The following FOSL1 variants were observed in gnomAD, a reference collection of about 807,000 sequenced individuals.
The protein encoded by FOSL1 is fos-related antigen 1.
In FOSL1, 14 loss-of-function variants were observed where a neutral mutation model predicts 24.9. The ratio of observed to expected loss-of-function variants is 0.56; its 90% CI spans 0.37 to 0.88. FOSL1 has a LOEUF of 0.88. Among genes scored for constraint, FOSL1 ranks in the 40% least tolerant of loss-of-function variants. FOSL1 has a pLI of 0.00. For missense variants in FOSL1, 318 were observed against 359.8 expected, an observed-to-expected ratio of 0.88 and a Z score of 0.94; for synonymous variants, 133 against 145.1, an observed-to-expected ratio of 0.92 and a Z score of 0.60.
intron 3 of FOSL1, 35 bp downstream of exon 3, chr11:65,893,979 C>T: frequency 7.0e-7 from 1 of 1,434,092 alleles, no homozygotes; most frequent in Non-Finnish European, 9.6e-7. Flanking sequence ...GAGACAGGGT[C>T]CCTCTGAGCT....
At chr11:65,900,088 T>C (rs1354032908) in intron 1 of FOSL1, among the ~76,000 whole-genome samples, 153 bp downstream of exon 1, 5 of 152,078 alleles carry the variant, frequency 3.3e-5, no homozygotes, top group Non-Finnish European at 5.9e-5. Context: ...TGGGGGCAAC[T>C]GGCCCCGGAC....
intron 3 of FOSL1, 83 bp downstream of exon 3, chr11:65,893,931 G>A (rs1860458300): frequency 2.2e-6 from 2 of 891,662 alleles, no homozygotes; most frequent in Non-Finnish European, 3.6e-6. Flanking sequence ...AGGATGGTGA[G>A]GAGGGGGCTA....
intron 2 of FOSL1, among the ~76,000 whole-genome samples, chr11:65,896,096 C>T (rs1308863819): frequency 5.3e-5 from 8 of 152,058 alleles, no homozygotes; most frequent in Non-Finnish European, 1.2e-4. Context: ...GAACTCCTGG[C>T]CTCAAGTGAT....
At chr11:65,897,856 G>C (rs1014520817) in intron 1 of FOSL1, among the ~76,000 whole-genome samples, 4 of 151,412 alleles carry the variant, frequency 2.6e-5, no homozygotes, top group Non-Finnish European at 5.9e-5. Context: ...GCAGGAAAGA[G>C]TCACTGCTCT....
At chr11:65,897,044 G>A (rs772768855) in intron 1 of FOSL1, 38 bp from the exon 2 acceptor site, 29 of 1,526,178 alleles carry the variant, frequency 1.9e-5, no homozygotes, top group South Asian at 5.6e-5. Context: ...GATGAGGTCC[G>A]TGTGGATTGA....
rs1242443564 is a variant in FOSL1, at chr11:65,892,815, G to C, written c.*71C>G. ...TGGATGTGGGATACTGTCCAGGCCA[G>C]CTGGACCGGTGGGGGAAGGGGAGGA... On this transcript the variant is annotated 3_prime_UTR_variant, in exon 4 of 4. Coordinates refer to ENST00000312562, the MANE Select transcript of FOSL1 (RefSeq NM_005438.5). The C allele has an allele frequency of 6.8e-7, 1 of 1,476,992 alleles. No individual in the cohort carries two copies. The highest frequency in any genetic ancestry group is 1.4e-5 in the African/African-American group (1 of 72,692). The allele number at this position is 1,476,992 out of a possible 1,614,324, so 91.5% of individuals were successfully genotyped here.
Position 65,894,092 on chromosome 11 carries a change from T to C in FOSL1, c.327A>G (p.Arg109=). The change falls in exon 3 of 4, where the codon CGA becomes CGG. Residue 109 remains arginine, a synonymous_variant. Coordinates refer to ENST00000312562, the MANE Select transcript of FOSL1 (RefSeq NM_005438.5). ...QISPEEEERR[R]VRRERNKLAA... is the part of the protein sequence containing the mutation. ...CCAGCTTGTTCCGCTCGCGCCTTACTCGGCGGCGCTCCTCTTCCTCCGGGC... is the reference window on the plus strand; with the variant it reads ...CCAGCTTGTTCCGCTCGCGCCTTACCCGGCGGCGCTCCTCTTCCTCCGGGC... The C allele has an allele frequency of 1.2e-6, 2 of 1,609,228 alleles. No individual in the cohort carries two copies. The highest frequency in any genetic ancestry group is 1.7e-6 in the Non-Finnish European group (2 of 1,179,508).
At chr11:65,898,771 C>A (rs1238219543) in intron 1 of FOSL1, among the ~76,000 whole-genome samples, 1 of 152,022 alleles carries the variant, frequency 6.6e-6, no homozygotes, top group African/African-American at 2.4e-5. Flanking sequence ...TCACACCGGG[C>A]AACACAGTGA....
At chr11:65,899,009 C>A (rs1299006941) in intron 1 of FOSL1, among the ~76,000 whole-genome samples, 1 of 149,470 alleles carries the variant, frequency 6.7e-6, no homozygotes, top group Non-Finnish European at 1.5e-5. Flanking sequence ...AAATTAGTGG[C>A]ATAAAGTTAT....
intron 2 of FOSL1, among the ~76,000 whole-genome samples, chr11:65,895,696 C>G (rs1408645137): frequency 6.6e-6 from 1 of 152,190 alleles, no homozygotes; most frequent in East Asian, 1.9e-4. Context: ...GCTTCTGCGG[C>G]TCATACCACA....
chr11:65,893,197 G>A lies in FOSL1; in HGVS notation c.505C>T (p.Arg169Ter), dbSNP rs528663296. ...CCTTCCGGGATTTTGCAGATGGGTC[G>A]GTGGGCTTCCAGCACCAGCTCTAGG... The part of the protein sequence containing the change: ...ERLELVLEAH[R>*]PICKIPEGAK... Residue 169 changes from arginine to a stop codon, truncating the protein, a stop_gained, in exon 4 of 4, where the codon CGA becomes TGA. Transcript: ENST00000312562. LOFTEE classifies it high-confidence loss of function. The A allele has an allele frequency of 7.4e-6, 12 of 1,614,026 alleles. No homozygotes were observed. Among genetic ancestry groups the A allele is most frequent in the East Asian group, 2.2e-5 (1 of 44,886 alleles).
intron 2 of FOSL1, among the ~76,000 whole-genome samples, chr11:65,895,694 G>A (rs551598160): frequency 3.9e-5 from 6 of 152,220 alleles, no homozygotes; most frequent in Admixed American, 6.5e-5. Flanking sequence ...CCGCTTCTGC[G>A]GCTCATACCA....
chr11:65,900,393 G>A (rs1860646956), upstream of FOSL1: 7 of 990,862 alleles, frequency 7.1e-6, no homozygotes, highest in East Asian at 1.6e-4. Flanking sequence ...TGACTCACCC[G>A]CGCCGTGCGG....
At chr11:65,894,280 A>C (rs1168378739) in intron 2 of FOSL1, among the ~76,000 whole-genome samples, 159 bp from the exon 3 acceptor site, 1 of 152,098 alleles carries the variant, frequency 6.6e-6, no homozygotes, top group Non-Finnish European at 1.5e-5. Context: ...CCCTGCACTG[A>C]GGCGCTGTCT....
Position 65,893,311 on chromosome 11 carries a change from G to C in FOSL1, c.406-15C>G. Reference sequence around the variant, plus strand: ...TTGTCAGTCTCCTGTAGAAGATCAGGAGAGGAGTCAGAAAGGTGAGGGCTG... The same window carrying C: ...TTGTCAGTCTCCTGTAGAAGATCAGCAGAGGAGTCAGAAAGGTGAGGGCTG... On this transcript the variant is annotated splice_polypyrimidine_tract_variant and intron_variant, in intron 3 of 3. Coordinates refer to ENST00000312562, the MANE Select transcript of FOSL1 (RefSeq NM_005438.5). 24 of 1,584,206 alleles carry C rather than the reference G, an allele frequency of 1.5e-5. No individual in the cohort carries two copies. The highest frequency in any genetic ancestry group is 2.1e-5 in the Non-Finnish European group (24 of 1,164,522).
intron 2 of FOSL1, 146 bp from the exon 3 acceptor site, chr11:65,894,267 G>C (rs1860469900): frequency 3.2e-6 from 2 of 633,734 alleles, no homozygotes; most frequent in Non-Finnish European, 5.6e-6. Context: ...CACCCAACCA[G>C]TTCCCTGCAC....
At chr11:65,899,743 G>C (rs1477864494) in intron 1 of FOSL1, among the ~76,000 whole-genome samples, 1 of 152,198 alleles carries the variant, frequency 6.6e-6, no homozygotes, top group African/African-American at 2.4e-5. Flanking sequence ...CAGACAGACG[G>C]ACGGACACGC....
chr11:65,896,489 T>C (rs1261456217), intron 2 of FOSL1, among the ~76,000 whole-genome samples: 1 of 152,088 alleles, frequency 6.6e-6, no homozygotes, highest in Non-Finnish European at 1.5e-5. Context: ...ACCTTACATG[T>C]TCTTGCCTCC....
intron 1 of FOSL1, among the ~76,000 whole-genome samples, chr11:65,898,067 G>C (rs1222746949): frequency 3.1e-4 from 1 of 3,230 alleles, no homozygotes; most frequent in Non-Finnish European, 2.0e-3. Flanking sequence ...TTGAGACACA[G>C]TCTTGCTTTG....
Sources: allele counts gnomAD v4.1 joint callset (sites outside exome capture counted in the v4.1 genomes callset), GRCh38; gene constraint gnomAD v4.1.1; transcripts MANE v1.5; gene names NCBI Gene and HGNC (gene_info 2026-07-23, HGNC 2026-07-21).